Variants in CRB1 observed in about 807,000 individuals in gnomAD.
CRB1 encodes the protein protein crumbs homolog 1.
A neutral mutation model predicts 120.0 loss-of-function variants in CRB1; 83 were observed. The ratio of observed to expected loss-of-function variants is 0.69; its 90% CI spans 0.58 to 0.83. CRB1 has a LOEUF of 0.83. Among genes scored for constraint, CRB1 ranks in the 40% least tolerant of loss-of-function variants. The probability of loss-of-function intolerance (pLI) is 0.00; values close to 1 mark genes in which losing one functional copy is unlikely to be tolerated. For missense variants in CRB1, 1,699 were observed against 1,687.6 expected (o/e 1.01, Z -0.12); for synonymous variants, 625 against 612.5 (o/e 1.02, Z -0.30).
chr1:197,343,021 T>C (rs1041187238), intron 2 of CRB1, among the ~76,000 whole-genome samples: 4 of 152,206 alleles, frequency 2.6e-5, no homozygotes, highest in Non-Finnish European at 4.4e-5. Flanking sequence ...TGCAAAAATT[T>C]CCATTTTCAC....
At chr1:197,447,408 T>A (rs1665751685) in intron 11 of CRB1, 2 of 152,258 alleles carry the variant, frequency 1.3e-5, no homozygotes, top group Admixed American at 1.3e-4. Flanking sequence ...TGTGTACATA[T>A]AATCGCATAC....
At chr1:197,460,736 G>A (rs759048425) in intron 11 of CRB1, among the ~76,000 whole-genome samples, 14 of 152,080 alleles carry the variant, frequency 9.2e-5, no homozygotes, top group Non-Finnish European at 1.6e-4. Flanking sequence ...CCTAGTTTGT[G>A]AAGTGCAACA....
chr1:197,205,034 G>C, the CRB1 span, among the ~76,000 whole-genome samples: 3 of 152,276 alleles, frequency 2.0e-5, no homozygotes, highest in South Asian at 6.2e-4. Flanking sequence ...TTGTAAAAGG[G>C]TTTGAGTTAC....
At chr1:197,275,243 C>A (rs1342304663) in intron 1 of CRB1, among the ~76,000 whole-genome samples, 1 of 152,060 alleles carries the variant, frequency 6.6e-6, no homozygotes. Flanking sequence ...CAAATAAGGG[C>A]ACATTCACAG....
At chr1:197,227,148 T>G in the CRB1 span, among the ~76,000 whole-genome samples, 1 of 152,126 alleles carries the variant, frequency 6.6e-6, no homozygotes, top group Non-Finnish European at 1.5e-5. Context: ...CCCCAAAGTC[T>G]TATCTCATTT....
chr1:197,449,860 C>T (rs1319674198), intron 11 of CRB1, among the ~76,000 whole-genome samples: 4 of 152,168 alleles, frequency 2.6e-5, no homozygotes, highest in African/African-American at 9.7e-5. Flanking sequence ...AAATCATTTT[C>T]AGAAGTTGAG....
chr1:197,477,538 C>T, intron 11 of CRB1, 126 bp from the exon 12 acceptor site: 1 of 806,598 alleles, frequency 1.2e-6, no homozygotes, highest in Admixed American at 2.0e-5. Flanking sequence ...ATACCTTGGT[C>T]TTTTTACAGT....
chr1:197,422,697 T>C (rs1558127957), intron 6 of CRB1: 2 of 152,316 alleles, frequency 1.3e-5, no homozygotes, highest in Non-Finnish European at 2.9e-5. Context: ...TTGCTGTTGA[T>C]AGTGATCAAT....
chr1:197,289,602 C>G (rs561522870), intron 1 of CRB1, among the ~76,000 whole-genome samples: 5 of 151,930 alleles, frequency 3.3e-5, no homozygotes, highest in African/African-American at 1.2e-4. Flanking sequence ...ATGGTCTCTT[C>G]GCCATTCTCT....
chr1:197,306,901 A>C (rs1392813544), intron 1 of CRB1, among the ~76,000 whole-genome samples: 1 of 152,224 alleles, frequency 6.6e-6, no homozygotes, highest in African/African-American at 2.4e-5. Context: ...TATTCTAGTC[A>C]CATCATGTTG....
Position 197,326,578 on chromosome 1 carries a change from C to A in CRB1, c.71-1844C>A, listed in dbSNP as rs142122298. Among the ~76,000 whole-genome samples the A allele has an allele frequency of 5.9e-3, 892 of 152,122 alleles. 11 individuals are homozygous for A. The highest frequency in any genetic ancestry group is 0.021 in the African/African-American group (858 of 41,490). ...CCTGGGAGATGGAGGTTGCAGTGAG[C>A]TGAGATCATGCTACTGTACTCCAGC... On this transcript the variant is annotated intron_variant, in intron 1 of 11. Coordinates refer to ENST00000367400, the MANE Select transcript of CRB1 (RefSeq NM_201253.3).
chr1:197,373,686 GGA>G (rs1404096228), intron 5 of CRB1, among the ~76,000 whole-genome samples: 1 of 152,024 alleles, frequency 6.6e-6, no homozygotes, highest in Non-Finnish European at 1.5e-5. Context: ...CAGAAAGGAG[GGA>G]GAGTCAGAAA....
intron 5 of CRB1, among the ~76,000 whole-genome samples, chr1:197,411,861 T>G (rs2125451733): frequency 6.6e-6 from 1 of 152,342 alleles, no homozygotes; most frequent in East Asian, 1.9e-4. Context: ...ACAGATTATT[T>G]CATCACCCAG....
chr1:197,358,678 A>T (rs1313327804), intron 5 of CRB1, among the ~76,000 whole-genome samples: 1 of 152,200 alleles, frequency 6.6e-6, no homozygotes, highest in Non-Finnish European at 1.5e-5. Context: ...TGTTACTTCC[A>T]AATTTGCTGT....
At chr1:197,310,266 G>C (rs969316677) in intron 1 of CRB1, among the ~76,000 whole-genome samples, 1 of 152,112 alleles carries the variant, frequency 6.6e-6, no homozygotes, top group Non-Finnish European at 1.5e-5. Context: ...GCCTCACTGG[G>C]TTGGCAATTT....
At chr1:197,306,366 C>T (rs1657175984) in intron 1 of CRB1, among the ~76,000 whole-genome samples, 3 of 152,136 alleles carry the variant, frequency 2.0e-5, no homozygotes, top group African/African-American at 7.2e-5. Flanking sequence ...GATAAGATAT[C>T]TGAAGTATCA....
rs970307413 is a variant in CRB1, at chr1:197,453,269, G to GTA, written c.4005+10992_4005+10993dup. 8.5e-3 allele frequency among the ~76,000 whole-genome samples: 1,212 copies of GTA among 142,946 alleles called. 15 individuals carry two copies. The highest frequency in any genetic ancestry group is 0.024 in the African/African-American group (958 of 39,120). The allele number at this position is 142,946 out of a possible 152,430, so 93.8% of individuals were successfully genotyped here. A position where few individuals can be genotyped will look rare whatever the true frequency, so the allele number is the denominator to read the frequency against. On this transcript the variant is annotated intron_variant, in intron 11 of 11. Transcript: ENST00000367400. ...TAAATAAGTATGTGTGTATACTTGT[G>GTA]TATATATATATATATAATTAAATTA... is the stretch of plus-strand genomic sequence containing the variant.
the CRB1 span, among the ~76,000 whole-genome samples, chr1:197,236,376 T>C: frequency 6.6e-6 from 1 of 152,080 alleles, no homozygotes; most frequent in African/African-American, 2.4e-5. Flanking sequence ...ATTTTTTGTA[T>C]TTTTAGTACA....
At chr1:197,323,522 G>T (rs1658321908) in intron 1 of CRB1, among the ~76,000 whole-genome samples, 1 of 152,112 alleles carries the variant, frequency 6.6e-6, no homozygotes, top group African/African-American at 2.4e-5. Flanking sequence ...TCATTCAAAA[G>T]CCTGTCCTTA....
Sources: gnomAD v4.1 joint callset for allele counts (sites outside exome capture counted in the v4.1 genomes callset) on GRCh38, gnomAD v4.1.1 for gene constraint, MANE v1.5 for transcripts, NCBI Gene and HGNC (gene_info 2026-07-23, HGNC 2026-07-21) for gene names.